Variants in RAB7A observed in about 807,000 individuals in gnomAD.
RAB7A encodes RAB7A, member RAS oncogene family, also known as ras-related protein Rab-7a.
RAB7A carries 2 observed loss-of-function variants against 24.5 expected under a neutral mutation model. The observed-to-expected ratio is 0.08, with a 90% CI of 0.03 to 0.26. RAB7A has a LOEUF of 0.26. Ranked by LOEUF, RAB7A falls within the 10% of genes least tolerant of loss-of-function variation. The probability of loss-of-function intolerance (pLI) is 1.00; values close to 1 mark genes in which losing one functional copy is unlikely to be tolerated. For missense variants in RAB7A, 118 were observed against 255.7 expected, an observed-to-expected ratio of 0.46 and a Z score of 3.67; for synonymous variants, 100 against 95.9, an observed-to-expected ratio of 1.04 and a Z score of -0.25.
intron 3 of RAB7A, among the ~76,000 whole-genome samples, chr3:128,799,447 T>C (rs1933650410): frequency 6.6e-6 from 1 of 152,188 alleles, no homozygotes; most frequent in Non-Finnish European, 1.5e-5. Flanking sequence ...ACAATTCTAA[T>C]CCCATTATAG....
chr3:128,796,178 T>G (rs1237609509), intron 2 of RAB7A, among the ~76,000 whole-genome samples: 1 of 152,180 alleles, frequency 6.6e-6, no homozygotes, highest in Non-Finnish European at 1.5e-5. Context: ...ACCATGTAGC[T>G]AACTCTAATG....
At chr3:128,773,449 C>T (rs1309120032) in intron 1 of RAB7A, among the ~76,000 whole-genome samples, 1 of 145,164 alleles carries the variant, frequency 6.9e-6, no homozygotes, top group African/African-American at 2.5e-5. Context: ...GCCCGGCCAG[C>T]CGCCCCGTCC....
At chr3:128,801,240 C>G (rs954590069) in intron 3 of RAB7A, among the ~76,000 whole-genome samples, 9 of 152,196 alleles carry the variant, frequency 5.9e-5, no homozygotes, top group Admixed American at 3.9e-4. Flanking sequence ...TGCGGTGGCT[C>G]ATGCCTGTAA....
intron 1 of RAB7A, among the ~76,000 whole-genome samples, chr3:128,743,577 C>T (rs1351341499): frequency 6.6e-6 from 1 of 152,136 alleles, no homozygotes; most frequent in East Asian, 1.9e-4. Context: ...GACATTAGAG[C>T]AACTGTCAGC....
chr3:128,803,625 G>A (rs1418686072), intron 3 of RAB7A, among the ~76,000 whole-genome samples: 1 of 152,200 alleles, frequency 6.6e-6, no homozygotes, highest in Admixed American at 6.5e-5. Flanking sequence ...TTGCAGCCTT[G>A]CATGGGGAGT....
At chr3:128,811,946 G>T (rs1933936402) in intron 5 of RAB7A, among the ~76,000 whole-genome samples, 1 of 152,016 alleles carries the variant, frequency 6.6e-6, no homozygotes, top group Admixed American at 6.6e-5. Flanking sequence ...AGAATAATAG[G>T]CAACTCTATT....
intron 1 of RAB7A, among the ~76,000 whole-genome samples, chr3:128,782,126 T>G (rs1190140710): frequency 6.6e-6 from 1 of 152,208 alleles, no homozygotes; most frequent in Non-Finnish European, 1.5e-5. Context: ...ATTAGCAGTC[T>G]TCCTGAGAAT....
intron 1 of RAB7A, among the ~76,000 whole-genome samples, chr3:128,771,055 C>G (rs2070880652): frequency 6.6e-6 from 1 of 151,894 alleles, no homozygotes. Flanking sequence ...CTGTAACCCC[C>G]ACTTCCCGGG....
intron 5 of RAB7A, among the ~76,000 whole-genome samples, chr3:128,808,364 A>T (rs913315248): frequency 6.6e-6 from 1 of 152,140 alleles, no homozygotes; most frequent in African/African-American, 2.4e-5. Context: ...TGTCTAAAAA[A>T]AATTAAAAAT....
At chr3:128,801,157 C>T (rs1192661867) in intron 3 of RAB7A, among the ~76,000 whole-genome samples, 2 of 152,072 alleles carry the variant, frequency 1.3e-5, no homozygotes, top group African/African-American at 4.8e-5. Flanking sequence ...ATGAATAAAT[C>T]CTAGAGATGT....
intron 5 of RAB7A, among the ~76,000 whole-genome samples, chr3:128,808,796 TC>T (rs1409858814): frequency 6.6e-6 from 1 of 152,152 alleles, no homozygotes; most frequent in African/African-American, 2.4e-5. Context: ...CAAGGCAGAT[TC>T]TGCTGACTCC....
At chr3:128,741,472 TTTCTC>T (rs1432104990) in intron 1 of RAB7A, among the ~76,000 whole-genome samples, 2 of 152,212 alleles carry the variant, frequency 1.3e-5, no homozygotes, top group African/African-American at 4.8e-5. Flanking sequence ...TGTATTATCT[TTTCTC>T]TTTGACTAGA....
intron 2 of RAB7A, among the ~76,000 whole-genome samples, chr3:128,795,718 G>A (rs1398279799): frequency 1.4e-5 from 2 of 141,394 alleles, no homozygotes; most frequent in African/African-American, 2.6e-5. Context: ...TTACGTAGAT[G>A]TATTGCCATT....
intron 1 of RAB7A, among the ~76,000 whole-genome samples, chr3:128,756,555 CTTACTA>C (rs2070730971): frequency 6.6e-6 from 1 of 152,088 alleles, no homozygotes. Context: ...GATTTAAAAA[CTTACTA>C]TTGTTAGGAT....
At chr3:128,740,224 T>C (rs1170838672) in intron 1 of RAB7A, among the ~76,000 whole-genome samples, 1 of 149,192 alleles carries the variant, frequency 6.7e-6, no homozygotes, top group East Asian at 2.0e-4. Flanking sequence ...CTAAAACAAA[T>C]ACAACAATTA....
At chr3:128,769,168 A>G (rs2070861616) in intron 1 of RAB7A, among the ~76,000 whole-genome samples, 1 of 151,574 alleles carries the variant, frequency 6.6e-6, no homozygotes, top group Non-Finnish European at 1.5e-5. Flanking sequence ...TGCTGGGATT[A>G]CAGGCATGAG....
At chr3:128,763,970 GA>G (rs1349068284) in intron 1 of RAB7A, among the ~76,000 whole-genome samples, 2 of 145,952 alleles carry the variant, frequency 1.4e-5, no homozygotes, top group Non-Finnish European at 3.0e-5. Flanking sequence ...GTTATTGTTA[GA>G]AGTATTCACT....
intron 1 of RAB7A, among the ~76,000 whole-genome samples, chr3:128,729,675 C>T (rs1281271953): frequency 6.6e-6 from 1 of 152,080 alleles, no homozygotes; most frequent in East Asian, 1.9e-4. Context: ...ACACAGACCA[C>T]GCAAATATGA....
chr3:128,773,239 G>A (rs1932996168), intron 1 of RAB7A, among the ~76,000 whole-genome samples: 1 of 150,862 alleles, frequency 6.6e-6, no homozygotes, highest in Non-Finnish European at 1.5e-5. Flanking sequence ...CCTCCGCCCG[G>A]CAGCCGCCCC....
Sources: allele counts gnomAD v4.1 joint callset (sites outside exome capture counted in the v4.1 genomes callset), GRCh38; gene constraint gnomAD v4.1.1; transcripts MANE v1.5; gene names NCBI Gene and HGNC (gene_info 2026-07-23, HGNC 2026-07-21).